Variants in FAM124A observed in about 807,000 individuals in gnomAD.
The protein encoded by FAM124A is family with sequence similarity 124 member A, also known as protein FAM124A.
A neutral mutation model predicts 24.5 loss-of-function variants in FAM124A; 23 were observed. The ratio of observed to expected loss-of-function variants is 0.94; its 90% CI spans 0.68 to 1.33. The LOEUF is 1.33. Ranked by LOEUF, FAM124A falls within the 40% of genes most tolerant of loss-of-function variation. FAM124A has a pLI of 0.00. For missense variants in FAM124A, 623 were observed against 722.8 expected (o/e 0.86, Z 1.58); for synonymous variants, 287 against 314.7 (o/e 0.91, Z 0.93).
At chr13:51,266,557 A>G (rs1250756804) in intron 3 of FAM124A, among the ~76,000 whole-genome samples, 1 of 152,238 alleles carries the variant, frequency 6.6e-6, no homozygotes, top group African/African-American at 2.4e-5. Context: ...ACTTACCAGT[A>G]ACAACACTGC....
chr13:51,246,971 C>T (rs1954571168), intron 2 of FAM124A, among the ~76,000 whole-genome samples: 1 of 152,252 alleles, frequency 6.6e-6, no homozygotes, highest in African/African-American at 2.4e-5. Flanking sequence ...GTGCACCCAC[C>T]TGTGGTGCTG....
chr13:51,283,086 G>A lies in FAM124A; in HGVS notation c.*1830G>A, dbSNP rs532045183. The A allele has an allele frequency of 6.6e-6, 1 of 152,076 alleles. No individual in the cohort carries two copies. Among genetic ancestry groups the A allele is most frequent in the Non-Finnish European group, 1.5e-5 (1 of 68,048 alleles). The allele number at this position is 152,076 out of a possible 1,614,324, so 9.4% of individuals were successfully genotyped here. A position where few individuals can be genotyped will look rare whatever the true frequency, so the allele number is the denominator to read the frequency against. Reference sequence around the variant, plus strand: ...AGACGGGGTCTTGCTCTGTTGCCCAGGCTGGAGTGCAATGGCGCAATCTCA... The same window carrying A: ...AGACGGGGTCTTGCTCTGTTGCCCAAGCTGGAGTGCAATGGCGCAATCTCA... On this transcript the variant is annotated 3_prime_UTR_variant, in exon 4 of 4. Coordinates refer to ENST00000322475, the MANE Select transcript of FAM124A (RefSeq NM_001242312.2).
chr13:51,262,430 G>A (rs1259289320), intron 3 of FAM124A, among the ~76,000 whole-genome samples: 3 of 152,092 alleles, frequency 2.0e-5, no homozygotes, highest in Non-Finnish European at 2.9e-5. Flanking sequence ...CCATCACAGA[G>A]CATTTTGGTA....
chr13:51,260,292 T>C (rs116119631), intron 3 of FAM124A, among the ~76,000 whole-genome samples: 1,598 of 152,252 alleles, frequency 0.01, 26 homozygotes, highest in African/African-American at 0.036. Flanking sequence ...GCCATGTGAC[T>C]GTGAGAGAGC....
At chr13:51,270,767 G>A (rs1302626710) in intron 3 of FAM124A, among the ~76,000 whole-genome samples, 2 of 152,208 alleles carry the variant, frequency 1.3e-5, no homozygotes, top group East Asian at 1.9e-4. Context: ...TGGATGGACC[G>A]TTTGTTCAGC....
chr13:51,249,520 G>T (rs1208479044), intron 2 of FAM124A, among the ~76,000 whole-genome samples: 2 of 152,182 alleles, frequency 1.3e-5, no homozygotes, highest in African/African-American at 4.8e-5. Context: ...AGGGTTCAGT[G>T]TTTAAAGAAA....
intron 3 of FAM124A, among the ~76,000 whole-genome samples, chr13:51,273,381 C>A (rs1954856681): frequency 6.6e-6 from 1 of 152,170 alleles, no homozygotes; most frequent in Non-Finnish European, 1.5e-5. Context: ...CTAGAGAAAA[C>A]TGAGATTAAA....
intron 3 of FAM124A, among the ~76,000 whole-genome samples, chr13:51,267,793 T>C (rs1033845007): frequency 6.6e-6 from 1 of 152,152 alleles, no homozygotes; most frequent in African/African-American, 2.4e-5. Context: ...CCAACTGAAG[T>C]GTTGCCTTTT....
At chr13:51,240,076 A>G (rs560549931) in intron 2 of FAM124A, among the ~76,000 whole-genome samples, 21 of 152,348 alleles carry the variant, frequency 1.4e-4, no homozygotes, top group African/African-American at 4.1e-4. Flanking sequence ...TACAGTTTCT[A>G]TCTTTGTTCA....
rs977981570 is a variant in FAM124A, at chr13:51,272,252, G to A, written c.835-8198G>A. Among the ~76,000 whole-genome samples, 1 of 152,000 alleles carries A rather than the reference G, an allele frequency of 6.6e-6. No individual in the cohort carries two copies. Among genetic ancestry groups the A allele is most frequent in the Admixed American group, 6.6e-5 (1 of 15,260 alleles). ...ACAGGAGGTCAGTAGGTTGGCTTTG[G>A]GGGCACACCTCCCCTCTGCTCCCTA... is the stretch of plus-strand genomic sequence containing the variant. On this transcript the variant is annotated intron_variant, in intron 3 of 3. Coordinates refer to ENST00000322475, the MANE Select transcript of FAM124A (RefSeq NM_001242312.2). This position sits in a 1 kb window ranked among gnomAD's most constrained non-coding sequence, Gnocchi z 4.2.
In FAM124A at chr13:51,251,013, G is replaced by A. The variant is rs1954614307; in HGVS notation, c.101-455G>A. On this transcript the variant is annotated intron_variant, in intron 2 of 3. Coordinates refer to ENST00000322475, the MANE Select transcript of FAM124A (RefSeq NM_001242312.2). The surrounding 1 kb of genome is among the most constrained non-coding windows in gnomAD (Gnocchi z 5.3). ...CAAATGAAATAAGCAAACCAGAGGA[G>A]TGCGTTTGTGTAGGGAACATGTATG... Among the ~76,000 whole-genome samples the A allele has an allele frequency of 6.6e-6, 1 of 152,232 alleles. No individual in the cohort carries two copies. Among genetic ancestry groups the A allele is most frequent in the Non-Finnish European group, 1.5e-5 (1 of 68,050 alleles).
chr13:51,253,013 C>T (rs1453731392), intron 3 of FAM124A: 2 of 152,250 alleles, frequency 1.3e-5, no homozygotes, highest in African/African-American at 4.8e-5. Flanking sequence ...CATCCTACAT[C>T]TGGTCCTACC....
chr13:51,249,231 C>G (rs1008345898), intron 2 of FAM124A, among the ~76,000 whole-genome samples: 29 of 152,226 alleles, frequency 1.9e-4, no homozygotes, highest in Admixed American at 1.9e-3. Context: ...GGTGCCTCCT[C>G]CAGGAAGCCT....
intron 2 of FAM124A, among the ~76,000 whole-genome samples, chr13:51,233,308 T>C (rs943279969): frequency 4.6e-5 from 7 of 152,102 alleles, no homozygotes; most frequent in African/African-American, 1.7e-4. Flanking sequence ...CATCACATCC[T>C]TGTTCCAGGC....
At chr13:51,265,134 G>T (rs1954772052) in intron 3 of FAM124A, among the ~76,000 whole-genome samples, 1 of 152,196 alleles carries the variant, frequency 6.6e-6, no homozygotes, top group Admixed American at 6.5e-5. Flanking sequence ...ACCTAAGGAT[G>T]GCACACAGCT....
At position 51,281,711 on chromosome 13, in the gene FAM124A, C is replaced by T. The variant is rs1475244773; in HGVS notation, c.*455C>T. 6.5e-6 allele frequency: 1 copy of T among 154,430 alleles called. No homozygotes were observed. Among genetic ancestry groups the T allele is most frequent in the Admixed American group, 6.5e-5 (1 of 15,420 alleles). 9.6% of individuals were successfully genotyped at this position (154,430 alleles called of 1,614,324 possible). Reference sequence around the variant, plus strand: ...TACTGCATAATAACGTAACGCACACCTTACTGGATTCTCCATATATATTTA... The same window carrying T: ...TACTGCATAATAACGTAACGCACACTTTACTGGATTCTCCATATATATTTA... On this transcript the variant is annotated 3_prime_UTR_variant, in exon 4 of 4. Transcript: ENST00000322475.
chr13:51,240,367 G>A (rs192431546), intron 2 of FAM124A, among the ~76,000 whole-genome samples: 27 of 152,276 alleles, frequency 1.8e-4, no homozygotes, highest in East Asian at 1.4e-3. Flanking sequence ...ATCTTCTGAC[G>A]TTATTATTGG....
rs781180081 is a variant in FAM124A at position 51,251,548 on chromosome 13, CT to C, written c.182del (p.Leu61ArgfsTer132). The C allele has an allele frequency of 2.6e-6, 4 of 1,530,892 alleles. No individual in the cohort carries two copies. The Admixed American group carries it at 8.3e-5, about 32-fold the overall frequency. 94.8% of individuals were successfully genotyped at this position (1,530,892 alleles called of 1,614,324 possible). On this transcript the variant is annotated frameshift_variant, in exon 3 of 4. Coordinates refer to ENST00000322475, the MANE Select transcript of FAM124A (RefSeq NM_001242312.2). LOFTEE classifies it high-confidence loss of function. The surrounding 1 kb of genome is among the most constrained non-coding windows in gnomAD (Gnocchi z 5.3). Reference protein sequence around the residue: ...IIADPGESQPLQEAIDNVLAW... With the variant: ...IIADPGESQPXQEAIDNVLAW... Reference sequence around the variant, plus strand: ...CGCAGACCCAGGGGAGTCCCAGCCCCTGCAGGAGGCCATCGACAACGTCCTG... The same window carrying C: ...CGCAGACCCAGGGGAGTCCCAGCCCCGCAGGAGGCCATCGACAACGTCCTG...
chr13:51,276,273 CT>C (rs1484166319), intron 3 of FAM124A, among the ~76,000 whole-genome samples: 1 of 152,150 alleles, frequency 6.6e-6, no homozygotes, highest in Non-Finnish European at 1.5e-5. Context: ...TATCACTTTG[CT>C]GCCATTTTAC....
Sources: gnomAD v4.1 joint callset for allele counts (sites outside exome capture counted in the v4.1 genomes callset) on GRCh38, gnomAD v4.1.1 for gene constraint, Gnocchi (gnomAD v3.1) non-coding constraint, MANE v1.5 for transcripts, NCBI Gene and HGNC (gene_info 2026-07-23, HGNC 2026-07-21) for gene names.